The following PCDHA7 variants were observed in gnomAD, a reference collection of about 807,000 sequenced individuals.
PCDHA7 encodes protocadherin alpha-7.
A neutral mutation model predicts 57.2 loss-of-function variants in PCDHA7; 37 were observed. That is an observed-to-expected ratio of 0.65 (90% CI 0.50 to 0.85). The LOEUF (loss-of-function observed/expected upper bound fraction) is 0.85. Among genes scored for constraint, PCDHA7 ranks in the 40% least tolerant of loss-of-function variants. PCDHA7 has a pLI of 0.00. For synonymous variants in PCDHA7, 553 were observed against 558.8 expected, an observed-to-expected ratio of 0.99 and a Z score of 0.15; for missense variants, 1,188 against 1,241.8, an observed-to-expected ratio of 0.96 and a Z score of 0.65.
intron 1 of PCDHA7, among the ~76,000 whole-genome samples, chr5:140,914,601 T>G (rs190275610): frequency 1.8e-4 from 27 of 152,294 alleles, no homozygotes; most frequent in Non-Finnish European, 3.7e-4. Context: ...AGGAACTTCC[T>G]CCTGCCATTT....
At chr5:140,876,724 G>T (rs140611870) in intron 1 of PCDHA7, 2 of 1,614,246 alleles carry the variant, frequency 1.2e-6, no homozygotes, top group Non-Finnish European at 1.7e-6. Context: ...CCGCGAGAGC[G>T]TGTCGGCCTA....
At chr5:141,008,626 A>G (rs375674921) in intron 3 of PCDHA7, among the ~76,000 whole-genome samples, 1 of 152,222 alleles carries the variant, frequency 6.6e-6, no homozygotes. Context: ...TTTCTCAAGT[A>G]TAATTAACAA....
intron 1 of PCDHA7, chr5:140,853,901 CCTGA>C: frequency 1.0e-6 from 1 of 961,464 alleles, no homozygotes; most frequent in African/African-American, 1.8e-5. Flanking sequence ...GATGTGGTGG[CCTGA>C]CACCTGCAAT....
chr5:140,841,654 C>A lies in PCDHA7; in HGVS notation c.2355+4916C>A, dbSNP rs1270188852. The A allele has an allele frequency of 6.2e-6, 10 of 1,613,990 alleles. No homozygotes were observed. In the East Asian group the frequency reaches 1.3e-4, roughly 22 times the overall value. On this transcript the variant is annotated intron_variant, in intron 1 of 3. Transcript: ENST00000525929. ...GCATCCACCTGGAGGTGATCGTGGA[C>A]AGGCCGCTGCAGGTTTTCCATGTGG...
In PCDHA7 at chr5:140,836,453, G is replaced by T; in HGVS notation, c.2070G>T (p.Glu690Asp). Residue 690 changes from glutamate to aspartate, a missense_variant, in exon 1 of 4, where the codon GAG (glutamate) becomes GAT (aspartate). By Grantham distance (45) the Glu-to-Asp change is conservative. Coordinates refer to ENST00000525929, the MANE Select transcript of PCDHA7 (RefSeq NM_018910.3). ...SRASLGIAGPETELVDVNVYL... is the reference protein window; with the variant it reads ...SRASLGIAGPDTELVDVNVYL... Reference sequence around the variant, plus strand: ...CATCGTTGGGCATTGCAGGCCCAGAGACCGAGCTGGTGGATGTCAACGTGT... The same window carrying T: ...CATCGTTGGGCATTGCAGGCCCAGATACCGAGCTGGTGGATGTCAACGTGT... 1 of 1,613,854 alleles carries T rather than the reference G, an allele frequency of 6.2e-7. No homozygotes were observed. The highest frequency in any genetic ancestry group is 8.5e-7 in the Non-Finnish European group (1 of 1,179,870).
Position 140,988,326 on chromosome 5 carries a change from G to A in PCDHA7, c.2503+5763G>A, listed in dbSNP as rs144904425. 8.4e-3 allele frequency among the ~76,000 whole-genome samples: 1,281 copies of A among 152,296 alleles called. 12 individuals carry two copies. The highest frequency in any genetic ancestry group is 0.014 in the Non-Finnish European group (960 of 68,020). ...CAGCTTGGCTTGGCTTTCTCTACCC[G>A]AGGAAAGTAAGTCCTTTTAAGATGC... On this transcript the variant is annotated intron_variant, in intron 3 of 3. Coordinates refer to ENST00000525929, the MANE Select transcript of PCDHA7 (RefSeq NM_018910.3).
intron 1 of PCDHA7, among the ~76,000 whole-genome samples, chr5:140,872,145 G>A (rs2053502547): frequency 6.6e-6 from 1 of 151,676 alleles, no homozygotes; most frequent in Non-Finnish European, 1.5e-5. Context: ...TACTCCATTA[G>A]TATGACATGA....
chr5:140,893,636 G>A (rs2064097174), intron 1 of PCDHA7, among the ~76,000 whole-genome samples: 1 of 152,170 alleles, frequency 6.6e-6, no homozygotes, highest in Non-Finnish European at 1.5e-5. Flanking sequence ...GCTTGGTATA[G>A]TATTTTTGGC....
chr5:140,955,156 G>A (rs556311036), intron 1 of PCDHA7, among the ~76,000 whole-genome samples: 25 of 152,262 alleles, frequency 1.6e-4, no homozygotes, highest in East Asian at 3.9e-4. Context: ...TACCAGTACC[G>A]TGCTGTTTTG....
At chr5:140,982,589 T>C in intron 3 of PCDHA7, 26 bp downstream of exon 3, 1 of 1,610,940 alleles carries the variant, frequency 6.2e-7, no homozygotes, top group Non-Finnish European at 8.5e-7. Context: ...CTCTCCATTC[T>C]TTCTTGGTTT....
chr5:141,010,199 T>G lies in PCDHA7; in HGVS notation c.*262T>G. On this transcript the variant is annotated 3_prime_UTR_variant, in exon 4 of 4. Coordinates refer to ENST00000525929, the MANE Select transcript of PCDHA7 (RefSeq NM_018910.3). Reference sequence around the variant, plus strand: ...AAGCAGACCCAAGTTTCCTTTCTCCTCCGCCGCAAAGGAGAGGCTTCCCAG... The same window carrying G: ...AAGCAGACCCAAGTTTCCTTTCTCCGCCGCCGCAAAGGAGAGGCTTCCCAG... The G allele has an allele frequency of 1.3e-6, 2 of 1,551,990 alleles. No homozygotes were observed. Among genetic ancestry groups the G allele is most frequent in the South Asian group, 1.2e-5 (1 of 84,106 alleles).
intron 1 of PCDHA7, among the ~76,000 whole-genome samples, chr5:140,939,697 A>G (rs1327140175): frequency 6.6e-6 from 1 of 152,232 alleles, no homozygotes; most frequent in African/African-American, 2.4e-5. Context: ...GCTGGACATT[A>G]TCATTTGTGA....
In PCDHA7 at chr5:140,836,419, C is replaced by G. The variant is rs137976668; in HGVS notation, c.2036C>G (p.Ser679Trp). 2.4e-4 allele frequency: 381 copies of G among 1,613,666 alleles called. 4 individuals are homozygous for G. The highest frequency in any genetic ancestry group is 2.7e-4 in the Non-Finnish European group (316 of 1,179,858). ...LVESGQAPKA[S>W]SRASLGIAGP... ...GAAAGCGGCCAGGCACCAAAGGCGTCGTCGCGGGCATCGTTGGGCATTGCA... is the reference window on the plus strand; with the variant it reads ...GAAAGCGGCCAGGCACCAAAGGCGTGGTCGCGGGCATCGTTGGGCATTGCA... The change falls in exon 1 of 4, where the codon TCG becomes TGG. Residue 679 changes from serine (S) to tryptophan (W), a missense_variant. Physicochemically the swap from Ser to Trp is radical, Grantham distance 177 (BLOSUM62 -3). Transcript: ENST00000525929.
At chr5:140,941,214 C>CCTTTCTTTCTTCCTTTCTTT (rs2092876516) in intron 1 of PCDHA7, among the ~76,000 whole-genome samples, 18 of 122,412 alleles carry the variant, frequency 1.5e-4, no homozygotes, top group Non-Finnish European at 2.9e-4. Context: ...TTTCTTTCTT[C>CCTTTCTTTCTTCCTTTCTTT]CTTTCTTTCT....
chr5:140,968,500 C>T, intron 1 of PCDHA7: 2 of 1,614,222 alleles, frequency 1.2e-6, no homozygotes, highest in Middle Eastern at 1.6e-4. Context: ...ATGCCCCTCA[C>T]ATTCTGTACC....
intron 1 of PCDHA7, among the ~76,000 whole-genome samples, chr5:140,908,325 T>C (rs189387427): frequency 6.6e-6 from 1 of 152,172 alleles, no homozygotes; most frequent in African/African-American, 2.4e-5. Flanking sequence ...GTGGAGACCA[T>C]GGGAATTTGA....
chr5:140,906,194 A>C (rs543979654), intron 1 of PCDHA7, among the ~76,000 whole-genome samples: 6 of 152,288 alleles, frequency 3.9e-5, no homozygotes, highest in African/African-American at 1.2e-4. Context: ...AATCCAATCA[A>C]GTTGACACTC....
At chr5:140,867,661 C>A (rs940517637) in intron 1 of PCDHA7, 30 of 152,196 alleles carry the variant, frequency 2.0e-4, no homozygotes, top group African/African-American at 6.7e-4. Flanking sequence ...AAATCACTTT[C>A]TACTCTAAAA....
At chr5:140,841,667 G>A in intron 1 of PCDHA7, 1 of 1,614,090 alleles carries the variant, frequency 6.2e-7, no homozygotes, top group Non-Finnish European at 8.5e-7. Flanking sequence ...GCCGCTGCAG[G>A]TTTTCCATGT....
Sources: allele counts gnomAD v4.1 joint callset (sites outside exome capture counted in the v4.1 genomes callset), GRCh38; gene constraint gnomAD v4.1.1; transcripts MANE v1.5; gene names NCBI Gene and HGNC (gene_info 2026-07-23, HGNC 2026-07-21).